HSH2D: variants seen among roughly 807,000 people sequenced by gnomAD.
HSH2D encodes the protein hematopoietic SH2 domain-containing protein.
Under a neutral mutation model 21.5 loss-of-function variants are expected in HSH2D, and 16 were observed. The ratio of observed to expected loss-of-function variants is 0.74; its 90% CI spans 0.50 to 1.13. HSH2D has a LOEUF of 1.13. Ranked by LOEUF, HSH2D falls within the 50% of genes most tolerant of loss-of-function variation. The probability of loss-of-function intolerance (pLI) is 0.00; values close to 1 mark genes in which losing one functional copy is unlikely to be tolerated. For missense variants in HSH2D, 418 were observed against 441.4 expected (o/e 0.95, Z 0.47); for synonymous variants, 172 against 184.7 (o/e 0.93, Z 0.56).
intron 1 of HSH2D, among the ~76,000 whole-genome samples, chr19:16,145,374 A>G (rs961416492): frequency 2.6e-5 from 4 of 151,832 alleles, no homozygotes; most frequent in African/African-American, 9.7e-5. Flanking sequence ...CACCTTGCCC[A>G]GATAATGATT....
chr19:16,143,457 G>A (rs894316612), upstream of HSH2D, among the ~76,000 whole-genome samples: 2 of 152,140 alleles, frequency 1.3e-5, no homozygotes, highest in Admixed American at 6.6e-5. Flanking sequence ...GAGTCAGGGG[G>A]CCTGCACCTG....
intron 4 of HSH2D, among the ~76,000 whole-genome samples, chr19:16,154,124 G>A (rs993274977): frequency 2.0e-5 from 3 of 149,896 alleles, no homozygotes; most frequent in African/African-American, 7.3e-5. Flanking sequence ...TGTTGTGGGC[G>A]GGGCATCTTT....
At chr19:16,151,841 C>T (rs538803171) in intron 2 of HSH2D, among the ~76,000 whole-genome samples, 2 of 150,128 alleles carry the variant, frequency 1.3e-5, no homozygotes, top group African/African-American at 2.4e-5. Flanking sequence ...CACAGTGGCT[C>T]ACACCTGTAA....
At chr19:16,137,740 C>T (rs1046762305) in intron 1 of HSH2D, among the ~76,000 whole-genome samples, 7 of 152,068 alleles carry the variant, frequency 4.6e-5, no homozygotes, top group Non-Finnish European at 7.4e-5. Flanking sequence ...TACCACCACA[C>T]CCAACTAATT....
rs987845894 is a variant in HSH2D at position 16,158,204 on chromosome 19, C to T, written c.*410C>T. The T allele has an allele frequency of 1.8e-5, 3 of 168,046 alleles. No individual in the cohort carries two copies. Among genetic ancestry groups the T allele is most frequent in the Non-Finnish European group, 2.5e-5 (2 of 78,708 alleles). 10.4% of individuals were successfully genotyped at this position (168,046 alleles called of 1,614,324 possible). A position where few individuals can be genotyped will look rare whatever the true frequency, so the allele number is the denominator to read the frequency against. ...ATTTGAAGCCAGGTGAATCCGAGCC[C>T]TTTTCCCATATCATCTGTTTGTTCT... On this transcript the variant is annotated 3_prime_UTR_variant, in exon 6 of 6. Coordinates refer to ENST00000613986, the MANE Select transcript of HSH2D (RefSeq NM_001382417.1).
At chr19:16,138,982 T>G (rs1257363670), upstream of HSH2D, among the ~76,000 whole-genome samples, 1 of 152,046 alleles carries the variant, frequency 6.6e-6, no homozygotes, top group Admixed American at 6.6e-5. Context: ...CTCAGCCTCC[T>G]GAGTATCTGG....
intron 1 of HSH2D, among the ~76,000 whole-genome samples, chr19:16,147,634 TTTTTGTTTTG>T (rs377735759): frequency 2.6e-4 from 39 of 150,302 alleles, no homozygotes; most frequent in South Asian, 8.4e-4. Context: ...AGTGGTTTTT[TTTTTGTTTTG>T]TTTTGTTTTG....
chr19:16,149,480 G>A (rs2091118785), intron 2 of HSH2D, among the ~76,000 whole-genome samples: 2 of 152,046 alleles, frequency 1.3e-5, no homozygotes, highest in South Asian at 4.2e-4. Context: ...TGGGATTACA[G>A]GCGTGAGCCA....
rs8108655 is a variant in HSH2D, at chr19:16,145,102, G to A, written c.-28+1328G>A. Among the ~76,000 whole-genome samples, 1,412 of 145,978 alleles carry A rather than the reference G, an allele frequency of 9.7e-3. 23 individuals carry two copies. The highest frequency in any genetic ancestry group is 0.035 in the African/African-American group (1,347 of 38,848). On this transcript the variant is annotated intron_variant, in intron 1 of 5. Coordinates refer to ENST00000613986, the MANE Select transcript of HSH2D (RefSeq NM_001382417.1). ...TGCTCAGGCTGGAGTGCAGTGGTGC[G>A]ATCTTGGCTCACTGCAAACTCTGCC...
At chr19:16,154,098 C>G (rs573135672) in intron 4 of HSH2D, among the ~76,000 whole-genome samples, 1 of 147,312 alleles carries the variant, frequency 6.8e-6, no homozygotes, top group South Asian at 2.2e-4. Context: ...TGGGCCTGAC[C>G]TAGCGCCCAA....
Position 16,157,616 on chromosome 19 carries a change from A to G in HSH2D, c.881A>G (p.Glu294Gly), listed in dbSNP as rs1272645981. 4.3e-6 allele frequency: 7 copies of G among 1,613,752 alleles called. No individual in the cohort carries two copies. In the Admixed American group the frequency reaches 1.2e-4, roughly 27 times the overall value. ...KDRKVPTRKA[E>G]RSVSCIEVTP... The stretch of plus-strand genomic sequence containing the variant: ...AGAAAGGTCCCCACCAGGAAGGCCG[A>G]GAGGTCGGTCAGCTGCATTGAGGTG... The change falls in exon 6 of 6, where the codon GAG becomes GGG. Residue 294 changes from glutamate (E) to glycine (G), a missense_variant. Transcript: ENST00000613986. This position sits in a 1 kb window ranked among gnomAD's most constrained non-coding sequence, Gnocchi z 4.4.
In HSH2D at chr19:16,157,445, G is replaced by A. The variant is rs377224050; in HGVS notation, c.710G>A (p.Arg237Gln). The A allele has an allele frequency of 8.6e-5, 138 of 1,613,712 alleles. No individual in the cohort carries two copies. The highest frequency in any genetic ancestry group is 1.3e-4 in the Admixed American group (8 of 59,958). Residue 237 changes from arginine (R) to glutamine (Q), a missense_variant, in exon 6 of 6, where the codon CGG (arginine) becomes CAG (glutamine). By Grantham distance (43) the Arg-to-Gln change is conservative. Transcript: ENST00000613986. This position sits in a 1 kb window ranked among gnomAD's most constrained non-coding sequence, Gnocchi z 4.4. ...AACTTGTCGTCACTCTTGGATGTCC[G>A]GAGATCCACGGTGATCTCAGGCCCT... ...TVNLSSLLDV[R>Q]RSTVISGPGT...
chr19:16,152,353 G>A (rs1445803483), intron 2 of HSH2D, among the ~76,000 whole-genome samples, 199 bp from the exon 3 acceptor site: 1 of 150,798 alleles, frequency 6.6e-6, no homozygotes, highest in Non-Finnish European at 1.5e-5. Context: ...GGGAGGCGGA[G>A]CTTGCAGTAA....
intron 4 of HSH2D, among the ~76,000 whole-genome samples, chr19:16,153,593 A>G (rs1408935979): frequency 7.5e-6 from 1 of 134,212 alleles, no homozygotes; most frequent in Non-Finnish European, 1.6e-5. Context: ...TGGGTGGAGC[A>G]TCTTTCCTTA....
intron 5 of HSH2D, among the ~76,000 whole-genome samples, chr19:16,156,294 G>A (rs1327598131): frequency 6.6e-6 from 1 of 151,906 alleles, no homozygotes; most frequent in Non-Finnish European, 1.5e-5. Flanking sequence ...AGGCTGCAGT[G>A]AGCCATGATT....
intron 1 of HSH2D, among the ~76,000 whole-genome samples, 191 bp downstream of exon 1, chr19:16,143,965 G>A (rs2091028767): frequency 6.6e-6 from 1 of 152,074 alleles, no homozygotes; most frequent in South Asian, 2.1e-4. Flanking sequence ...TTAGGGAAAA[G>A]GGGGTCTTGG....
chr19:16,145,049 T>G (rs2091049067), intron 1 of HSH2D, among the ~76,000 whole-genome samples: 3 of 145,700 alleles, frequency 2.1e-5, no homozygotes, highest in East Asian at 4.0e-4. Context: ...TTTTTTTTTT[T>G]TTTTTGTGAG....
At chr19:16,149,338 G>T (rs533265797) in intron 2 of HSH2D, among the ~76,000 whole-genome samples, 1 of 152,254 alleles carries the variant, frequency 6.6e-6, no homozygotes, top group East Asian at 1.9e-4. Flanking sequence ...AAGTAGCTGG[G>T]ATTACAGGCA....
chr19:16,146,328 A>G (rs2145031184), intron 1 of HSH2D, among the ~76,000 whole-genome samples: 1 of 152,246 alleles, frequency 6.6e-6, no homozygotes, highest in Non-Finnish European at 1.5e-5. Context: ...TACAACGTGT[A>G]GTGACGTTGG....
Sources: gnomAD v4.1 joint callset for allele counts (sites outside exome capture counted in the v4.1 genomes callset) on GRCh38, gnomAD v4.1.1 for gene constraint, Gnocchi (gnomAD v3.1) non-coding constraint, MANE v1.5 for transcripts, NCBI Gene and HGNC (gene_info 2026-07-23, HGNC 2026-07-21) for gene names.